SCN11A: variants seen among roughly 807,000 people sequenced by gnomAD.
SCN11A encodes the protein sodium channel protein type 11 subunit alpha.
In SCN11A, 122 loss-of-function variants were observed where a neutral mutation model predicts 162.2. That is an observed-to-expected ratio of 0.75 (90% CI 0.65 to 0.87). SCN11A has a LOEUF of 0.87. SCN11A is among the 40% of genes least tolerant of loss of function. The pLI is 0.00. For synonymous variants in SCN11A, 758 were observed against 751.5 expected, an observed-to-expected ratio of 1.01 and a Z score of -0.14; for missense variants, 2,015 against 2,181.6, an observed-to-expected ratio of 0.92 and a Z score of 1.52.
intron 7 of SCN11A, among the ~76,000 whole-genome samples, chr3:38,932,948 G>A (rs970184418): frequency 2.6e-3 from 392 of 152,310 alleles, no homozygotes; most frequent in Non-Finnish European, 3.8e-3. Context: ...CCTGACCCCC[G>A]AGCAGCCTAA....
In SCN11A at chr3:38,930,789, C is replaced by T. The variant is rs2066228112; in HGVS notation, c.489-3858G>A. 2.0e-5 allele frequency among the ~76,000 whole-genome samples: 3 copies of T among 152,258 alleles called. No individual in the cohort carries two copies. In the South Asian group the frequency reaches 6.2e-4, roughly 32 times the overall value. On this transcript the variant is annotated intron_variant, in intron 7 of 29. Transcript: ENST00000302328. ...GTATGAAGACATTTTTAACAGCCTC[C>T]TCCCACCCCACATTCACGTATCCAC...
intron 16 of SCN11A, among the ~76,000 whole-genome samples, 175 bp downstream of exon 16, chr3:38,903,690 T>C (rs1399125550): frequency 1.3e-5 from 2 of 152,084 alleles, no homozygotes; most frequent in Non-Finnish European, 2.9e-5. Context: ...ACATGGACAG[T>C]TTCTGAAATG....
intron 2 of SCN11A, among the ~76,000 whole-genome samples, chr3:39,001,714 C>CAAAA (rs1553649035): frequency 1.1e-5 from 1 of 90,240 alleles, no homozygotes; most frequent in African/African-American, 7.5e-5. Flanking sequence ...TTGTTTAAAA[C>CAAAA]AAACAAACAA....
chr3:38,895,508 T>C (rs2065581887), intron 18 of SCN11A, among the ~76,000 whole-genome samples: 1 of 152,190 alleles, frequency 6.6e-6, no homozygotes, highest in South Asian at 2.1e-4. Context: ...GAACCACATA[T>C]CACTTCAAAT....
chr3:38,880,115 T>A lies in SCN11A; in HGVS notation c.3228A>T (p.Glu1076Asp). Residue 1076 changes from glutamate to aspartate, a missense_variant, in exon 23 of 30, where the codon GAA becomes GAT. Glu to Asp is a conservative substitution (Grantham distance 45). Coordinates refer to ENST00000302328, the MANE Select transcript of SCN11A (RefSeq NM_001349253.2). ...ILLSSGALIF[E>D]DVHLENQPKI... ...TGGGTTGGTTCTCAAGGTGAACATC[T>A]TCAAATATCTGAAATGAAAAAGCAT... is the stretch of plus-strand genomic sequence containing the variant. 6.2e-7 allele frequency: 1 copy of A among 1,605,686 alleles called. No individual in the cohort carries two copies. The highest frequency in any genetic ancestry group is 8.5e-7 in the Non-Finnish European group (1 of 1,175,398).
intron 8 of SCN11A, among the ~76,000 whole-genome samples, chr3:38,926,474 T>C (rs2066142586): frequency 6.6e-6 from 1 of 151,746 alleles, no homozygotes; most frequent in Admixed American, 6.6e-5. Context: ...CTTCATAAGA[T>C]TGAAAACCAT....
intron 18 of SCN11A, among the ~76,000 whole-genome samples, chr3:38,895,956 C>T (rs2065590406): frequency 6.6e-6 from 1 of 152,010 alleles, no homozygotes; most frequent in African/African-American, 2.4e-5. Context: ...CACTATAACC[C>T]CAACTTGATC....
At position 38,870,727 on chromosome 3, in the gene SCN11A, C is replaced by G; in HGVS notation, c.3777G>C (p.Trp1259Cys). The change falls in exon 26 of 30, where the codon TGG (tryptophan) becomes TGC (cysteine). Residue 1259 changes from tryptophan to cysteine, a missense_variant. Transcript: ENST00000302328. The part of the protein sequence containing the change: ...ALLQVATFKG[W>C]MDIIYAAVDS... ...CAACAGCTGCATATATAATATCCAT[C>G]CAGCCCTTAAATGTTGCCTGCAACA... The G allele has an allele frequency of 6.2e-7, 1 of 1,613,564 alleles. No homozygotes were observed. The highest frequency in any genetic ancestry group is 8.5e-7 in the Non-Finnish European group (1 of 1,179,600).
intron 2 of SCN11A, among the ~76,000 whole-genome samples, chr3:38,996,990 C>T (rs1367275132): frequency 6.6e-6 from 1 of 152,196 alleles, no homozygotes; most frequent in African/African-American, 2.4e-5. Context: ...ACATGACCAT[C>T]AGTTCCCCGC....
rs1559558192 is a variant in SCN11A at position 38,963,368 on chromosome 3, TATATATATATATATATATGATGGAG to T, written c.-279-2970_-279-2946del. The stretch of plus-strand genomic sequence containing the variant: ...TATTTGATGGATATATATATATATA[TATATATATATATATATATGATGGAG>T]ATATATATATATATATATATATATG... On this transcript the variant is annotated intron_variant, in intron 2 of 29. Coordinates refer to ENST00000302328, the MANE Select transcript of SCN11A (RefSeq NM_001349253.2). 5.0e-3 allele frequency among the ~76,000 whole-genome samples: 389 copies of T among 78,504 alleles called. 2 individuals carry two copies. The highest frequency in any genetic ancestry group is 6.9e-3 in the African/African-American group (75 of 10,862). The allele number at this position is 78,504 out of a possible 152,430, so 51.5% of individuals were successfully genotyped here. A position where few individuals can be genotyped will look rare whatever the true frequency, so the allele number is the denominator to read the frequency against.
At chr3:38,878,852 C>CGT (rs2065263184) in intron 23 of SCN11A, among the ~76,000 whole-genome samples, 1 of 152,060 alleles carries the variant, frequency 6.6e-6, no homozygotes, top group African/African-American at 2.4e-5. Flanking sequence ...TTCCTGACCA[C>CGT]ATGGTTTATG....
At chr3:38,929,430 T>C (rs907709160) in intron 7 of SCN11A, among the ~76,000 whole-genome samples, 3 of 152,214 alleles carry the variant, frequency 2.0e-5, no homozygotes, top group African/African-American at 4.8e-5. Flanking sequence ...TTCATGGATA[T>C]AGACTTTCAG....
Position 38,904,120 on chromosome 3 carries a change from G to A in SCN11A, c.1604-17C>T, listed in dbSNP as rs961995080. 4.0e-6 allele frequency: 6 copies of A among 1,513,016 alleles called. No homozygotes were observed. The highest frequency in any genetic ancestry group is 5.3e-6 in the Non-Finnish European group (6 of 1,122,994). 93.7% of individuals were successfully genotyped at this position (1,513,016 alleles called of 1,614,324 possible). A position where few individuals can be genotyped will look rare whatever the true frequency, so the allele number is the denominator to read the frequency against. ...TTTCTTGTTCTGGAGGAGAATGAGC[G>A]AGAGGTTGAGGAGTTAGCTCTGAAG... On this transcript the variant is annotated splice_polypyrimidine_tract_variant and intron_variant, in intron 15 of 29. Coordinates refer to ENST00000302328, the MANE Select transcript of SCN11A (RefSeq NM_001349253.2).
intron 1 of SCN11A, among the ~76,000 whole-genome samples, chr3:39,040,232 A>G (rs1441555111): frequency 6.6e-6 from 1 of 152,256 alleles, no homozygotes; most frequent in African/African-American, 2.4e-5. Flanking sequence ...TCATGCTGTT[A>G]AAAATCACAC....
intron 2 of SCN11A, among the ~76,000 whole-genome samples, chr3:39,001,643 G>T (rs985291971): frequency 6.6e-6 from 1 of 151,956 alleles, no homozygotes; most frequent in African/African-American, 2.4e-5. Context: ...TGTGTATGGC[G>T]TGAAGTAGGG....
At chr3:38,919,219 A>C (rs1312465463) in intron 11 of SCN11A, among the ~76,000 whole-genome samples, 1 of 152,252 alleles carries the variant, frequency 6.6e-6, no homozygotes, top group African/African-American at 2.4e-5. Flanking sequence ...CCTAGAAGAC[A>C]TCAAATCCAA....
chr3:39,044,870 C>T (rs2032147181), intron 1 of SCN11A, among the ~76,000 whole-genome samples: 1 of 151,052 alleles, frequency 6.6e-6, no homozygotes, highest in African/African-American at 2.4e-5. Flanking sequence ...ATCAACAAAA[C>T]AAAAAGTTTT....
rs188434384 is a variant in SCN11A, at chr3:38,921,688, A to G, written c.713-433T>C. Among the ~76,000 whole-genome samples, 133 of 152,298 alleles carry G rather than the reference A, an allele frequency of 8.7e-4. 1 individual carries two copies. Among genetic ancestry groups the G allele is most frequent in the Admixed American group, 8.5e-4 (13 of 15,290 alleles). On this transcript the variant is annotated intron_variant, in intron 9 of 29. Coordinates refer to ENST00000302328, the MANE Select transcript of SCN11A (RefSeq NM_001349253.2). ...AAAGTACTTGAGTACCATGAGACAC[A>G]GCTAAATTGTGGGGTATAGGGGATG...
chr3:38,914,673 T>C (rs561033090), intron 11 of SCN11A, among the ~76,000 whole-genome samples: 332 of 152,284 alleles, frequency 2.2e-3, no homozygotes, highest in Non-Finnish European at 3.9e-3. Flanking sequence ...CAATATCTAG[T>C]GTATTGAGAG....
Sources: allele counts gnomAD v4.1 joint callset (sites outside exome capture counted in the v4.1 genomes callset), GRCh38; gene constraint gnomAD v4.1.1; transcripts MANE v1.5; gene names NCBI Gene and HGNC (gene_info 2026-07-23, HGNC 2026-07-21).